TRIM49C: variants seen among roughly 807,000 people sequenced by gnomAD.
The protein encoded by TRIM49C is tripartite motif containing 49C.
TRIM49C carries 6 observed loss-of-function variants against 21.4 expected under a neutral mutation model. The observed-to-expected ratio is 0.28, with a 90% CI of 0.15 to 0.55. The LOEUF (loss-of-function observed/expected upper bound fraction) is 0.55. TRIM49C is among the 20% of genes least tolerant of loss of function. The pLI is 0.94. For missense variants in TRIM49C, 161 were observed against 442.4 expected, an observed-to-expected ratio of 0.36 and a Z score of 5.71; for synonymous variants, 57 against 148.1, an observed-to-expected ratio of 0.38 and a Z score of 4.47.
At chr11:90,034,132 C>T (rs1267855283) in intron 2 of TRIM49C, among the ~76,000 whole-genome samples, 1 of 117,826 alleles carries the variant, frequency 8.5e-6, no homozygotes, top group Non-Finnish European at 1.6e-5. Flanking sequence ...ATACCGGTAT[C>T]CTGGCTAAGC....
intron 7 of TRIM49C, 93 bp from the exon 8 acceptor site, chr11:90,040,958 A>T: frequency 6.9e-7 from 1 of 1,450,954 alleles, no homozygotes; most frequent in South Asian, 1.5e-5. Context: ...ATGACTTTAC[A>T]TTTGCTGGTA....
intron 1 of TRIM49C, among the ~76,000 whole-genome samples, 195 bp downstream of exon 1, chr11:90,031,439 C>G (rs1236597209): frequency 1.5e-5 from 2 of 137,628 alleles, no homozygotes; most frequent in Non-Finnish European, 3.2e-5. Flanking sequence ...TTTGAGTAGT[C>G]CCTTCTGAAA....
the TRIM49C span, among the ~76,000 whole-genome samples, chr11:90,071,480 G>A: frequency 7.0e-6 from 1 of 143,658 alleles, no homozygotes; most frequent in Admixed American, 7.6e-5. Flanking sequence ...CAACTATTTG[G>A]TGGCAGATAG....
the TRIM49C span, among the ~76,000 whole-genome samples, chr11:90,069,663 A>G: frequency 4.2e-5 from 5 of 120,472 alleles, no homozygotes; most frequent in Middle Eastern, 4.0e-3. Flanking sequence ...GAGAATACAG[A>G]AAATTGAAGC....
At chr11:90,057,821 TA>T in the TRIM49C span, 42 of 1,259,224 alleles carry the variant, frequency 3.3e-5, 5 homozygotes, top group Non-Finnish European at 4.1e-5. Context: ...TTGAGGAAAT[TA>T]AAAAAAATCT....
chr11:90,066,759 A>C, the TRIM49C span, among the ~76,000 whole-genome samples: 1 of 132,208 alleles, frequency 7.6e-6, no homozygotes, highest in Admixed American at 9.2e-5. Context: ...TTTACACAAT[A>C]ATAATAATTA....
At chr11:90,033,816 C>T (rs1302601341) in intron 2 of TRIM49C, among the ~76,000 whole-genome samples, 7 of 125,570 alleles carry the variant, frequency 5.6e-5, no homozygotes, top group Non-Finnish European at 1.7e-5. Flanking sequence ...CCTAGTGTCA[C>T]GTTCCTGTAA....
chr11:90,066,859 C>A, the TRIM49C span, among the ~76,000 whole-genome samples: 2 of 137,378 alleles, frequency 1.5e-5, 1 homozygote, highest in Non-Finnish European at 3.1e-5. Flanking sequence ...CCTCTGCCTC[C>A]GAGGTTCAAG....
chr11:90,054,966 A>T, the TRIM49C span, among the ~76,000 whole-genome samples: 1 of 149,544 alleles, frequency 6.7e-6, no homozygotes, highest in Non-Finnish European at 1.5e-5. Flanking sequence ...TAATTAAATT[A>T]TGAGGCATTG....
At chr11:90,034,180 G>A (rs1201609717) in intron 2 of TRIM49C, among the ~76,000 whole-genome samples, 1 of 117,368 alleles carries the variant, frequency 8.5e-6, no homozygotes, top group African/African-American at 4.2e-5. Flanking sequence ...TCAGGAGAGA[G>A]ACGGAGGAAG....
chr11:90,031,965 C>A (rs1162515465), intron 1 of TRIM49C, among the ~76,000 whole-genome samples: 1 of 135,004 alleles, frequency 7.4e-6, no homozygotes, highest in African/African-American at 2.7e-5. Context: ...CTGACGTTAC[C>A]AAAAATTTCA....
downstream of TRIM49C, among the ~76,000 whole-genome samples, chr11:90,046,979 G>A (rs555698011): frequency 5.6e-5 from 7 of 124,262 alleles, 1 homozygote; most frequent in East Asian, 2.6e-4. Flanking sequence ...CTTTGTTCTC[G>A]TTGGTTTCAA....
intron 1 of TRIM49C, among the ~76,000 whole-genome samples, 169 bp downstream of exon 1, chr11:90,031,413 C>T (rs1262959002): frequency 7.1e-6 from 1 of 140,522 alleles, no homozygotes; most frequent in African/African-American, 2.6e-5. Context: ...GCAAAGAATT[C>T]CTCTATCAGA....
chr11:90,069,607 G>A, the TRIM49C span, among the ~76,000 whole-genome samples: 90 of 125,404 alleles, frequency 7.2e-4, 7 homozygotes, highest in Non-Finnish European at 1.2e-3. Context: ...CACCATATTT[G>A]CCCCCATTGT....
rs1280848391 is a variant in TRIM49C, at chr11:90,035,616, A to G, written c.405A>G (p.Glu135=). The change falls in exon 3 of 8, where the codon GAA becomes GAG. Residue 135 remains glutamate (E), a synonymous_variant. Coordinates refer to ENST00000448984, the MANE Select transcript of TRIM49C (RefSeq NM_001195234.1). ...RHRPIEWAAE[E]HREKLLQKMQ... ...GTCCCATTGAGTGGGCTGCTGAGGA[A>G]CACCGGGTAAGTGATGGCTCTGAAG... 8.1e-6 allele frequency: 11 copies of G among 1,355,118 alleles called. 2 individuals carry two copies. The highest frequency in any genetic ancestry group is 1.3e-5 in the South Asian group (1 of 74,280). 83.9% of individuals were successfully genotyped at this position (1,355,118 alleles called of 1,614,324 possible). A position where few individuals can be genotyped will look rare whatever the true frequency, so the allele number is the denominator to read the frequency against.
At chr11:90,033,580 T>C (rs1399057374) in intron 2 of TRIM49C, among the ~76,000 whole-genome samples, 2 of 130,942 alleles carry the variant, frequency 1.5e-5, no homozygotes, top group African/African-American at 5.4e-5. Context: ...CAATAGGCTA[T>C]AGTGTATACC....
chr11:90,065,805 A>C, the TRIM49C span, among the ~76,000 whole-genome samples: 1 of 137,072 alleles, frequency 7.3e-6, no homozygotes, highest in Non-Finnish European at 1.6e-5. Context: ...AAATACAAAA[A>C]ATTAACCGAG....
chr11:90,041,318 G>C lies in TRIM49C; in HGVS notation c.1127G>C (p.Gly376Ala). The change falls in exon 8 of 8, where the codon GGA becomes GCA. Residue 376 changes from glycine to alanine, a missense_variant. Physicochemically the swap from Gly to Ala is moderately conservative, Grantham distance 60. Transcript: ENST00000448984. ...AATGAGAAGATAGATGGAAAGGAGG[G>C]ACTCTTTCTTCTTGGGTGTATTAAG... is the stretch of plus-strand genomic sequence containing the variant. ...NQNEKIDGKE[G>A]LFLLGCIKND... 6.3e-7 allele frequency: 1 copy of C among 1,589,960 alleles called. No individual in the cohort carries two copies. The highest frequency in any genetic ancestry group is 8.6e-7 in the Non-Finnish European group (1 of 1,164,972).
intron 4 of TRIM49C, among the ~76,000 whole-genome samples, chr11:90,036,752 C>A (rs1950730231): frequency 1.4e-5 from 2 of 138,150 alleles, no homozygotes; most frequent in African/African-American, 2.6e-5. Context: ...AGAAAGGAAG[C>A]ACCTTTGTCC....
Sources: gnomAD v4.1 joint callset for allele counts (sites outside exome capture counted in the v4.1 genomes callset) on GRCh38, gnomAD v4.1.1 for gene constraint, MANE v1.5 for transcripts, NCBI Gene and HGNC (gene_info 2026-07-23, HGNC 2026-07-21) for gene names.